SLC35F1: variants seen among roughly 807,000 people sequenced by gnomAD.
SLC35F1 encodes solute carrier family 35 member F1.
SLC35F1 carries 14 observed loss-of-function variants against 48.7 expected under a neutral mutation model. The observed-to-expected ratio is 0.29, with a 90% CI of 0.19 to 0.45. The LOEUF (loss-of-function observed/expected upper bound fraction) is 0.45. Among genes scored for constraint, SLC35F1 ranks in the 20% least tolerant of loss-of-function variants. The pLI, the probability that SLC35F1 is intolerant of heterozygous loss-of-function variation, is 1.00. For missense variants in SLC35F1, 404 were observed against 500.0 expected (o/e 0.81, Z 1.83); for synonymous variants, 190 against 202.2 (o/e 0.94, Z 0.51).
At chr6:117,940,629 C>CT (rs1269509535) in intron 1 of SLC35F1, among the ~76,000 whole-genome samples, 1 of 151,648 alleles carries the variant, frequency 6.6e-6, no homozygotes, top group Non-Finnish European at 1.5e-5. Flanking sequence ...AGAAGATGTG[C>CT]TTTTTTTTCT....
chr6:118,090,017 A>G (rs1773050105), intron 1 of SLC35F1, among the ~76,000 whole-genome samples: 1 of 152,262 alleles, frequency 6.6e-6, no homozygotes, highest in Non-Finnish European at 1.5e-5. Context: ...TAGATTCTGC[A>G]TGCCTTTGAG....
intron 7 of SLC35F1, among the ~76,000 whole-genome samples, chr6:118,305,258 T>A (rs1304859388): frequency 6.6e-6 from 1 of 151,394 alleles, no homozygotes; most frequent in East Asian, 1.9e-4. Flanking sequence ...GGGCCCTCAG[T>A]CTTTTTTTTC....
At chr6:117,960,772 G>A (rs1219037254) in intron 1 of SLC35F1, among the ~76,000 whole-genome samples, 1 of 152,164 alleles carries the variant, frequency 6.6e-6, no homozygotes. Flanking sequence ...AAAGTCAGGT[G>A]ACCAGAGAAA....
intron 1 of SLC35F1, among the ~76,000 whole-genome samples, chr6:117,984,151 T>C (rs967180469): frequency 6.6e-6 from 1 of 152,206 alleles, no homozygotes; most frequent in Non-Finnish European, 1.5e-5. Flanking sequence ...CTATTATTAA[T>C]GGCAATGCTA....
chr6:118,151,155 T>TAAGAGG (rs1472607961), intron 1 of SLC35F1, among the ~76,000 whole-genome samples: 1 of 152,208 alleles, frequency 6.6e-6, no homozygotes, highest in African/African-American at 2.4e-5. Flanking sequence ...CTTAGCCTTC[T>TAAGAGG]AACCACTTCC....
chr6:118,076,725 T>A lies in SLC35F1; in HGVS notation c.174-77720T>A, dbSNP rs57196327. On this transcript the variant is annotated intron_variant, in intron 1 of 7. Transcript: ENST00000360388. The stretch of plus-strand genomic sequence containing the variant: ...CAGAGCCAAACCGTTATCAGTTGGT[T>A]AAATAATTCATATTCTCACCATGAA... 3.7e-3 allele frequency among the ~76,000 whole-genome samples: 564 copies of A among 152,328 alleles called. 7 individuals are homozygous for A. The highest frequency in any genetic ancestry group is 0.013 in the African/African-American group (526 of 41,562).
At chr6:118,052,811 A>G in intron 1 of SLC35F1, among the ~76,000 whole-genome samples, 1 of 152,224 alleles carries the variant, frequency 6.6e-6, no homozygotes, top group East Asian at 1.9e-4. Flanking sequence ...ATTCTGGGTT[A>G]ACACAAAATA....
At chr6:117,963,297 CGTAAA>C (rs1038328435) in intron 1 of SLC35F1, among the ~76,000 whole-genome samples, 1 of 151,082 alleles carries the variant, frequency 6.6e-6, no homozygotes, top group Non-Finnish European at 1.5e-5. Flanking sequence ...TAAGTTTTGG[CGTAAA>C]GTAAATAGTA....
chr6:118,023,428 A>T (rs1216744795), intron 1 of SLC35F1, among the ~76,000 whole-genome samples: 1 of 152,162 alleles, frequency 6.6e-6, no homozygotes, highest in East Asian at 1.9e-4. Flanking sequence ...CCTTATGGGG[A>T]TTGGCAGAAT....
Position 117,923,965 on chromosome 6 carries a change from AG to A in SLC35F1, c.173+16069del, listed in dbSNP as rs1442523413. On this transcript the variant is annotated intron_variant, in intron 1 of 7. Coordinates refer to ENST00000360388, the MANE Select transcript of SLC35F1 (RefSeq NM_001029858.4). ...ATTGACACTTTATATATACATATATAGGGAATAGAATGGAAATTGACATACA... is the reference window on the plus strand; with the variant it reads ...ATTGACACTTTATATATACATATATAGGAATAGAATGGAAATTGACATACA... 2.7e-5 allele frequency among the ~76,000 whole-genome samples: 4 copies of A among 150,942 alleles called. No homozygotes were observed. In the East Asian group the frequency reaches 5.8e-4, roughly 22 times the overall value.
At chr6:118,220,079 A>G (rs759481817) in intron 2 of SLC35F1, among the ~76,000 whole-genome samples, 7 of 152,166 alleles carry the variant, frequency 4.6e-5, no homozygotes, top group Non-Finnish European at 8.8e-5. Flanking sequence ...ATGACGAGTA[A>G]TGGGTGCAGC....
intron 7 of SLC35F1, among the ~76,000 whole-genome samples, chr6:118,291,742 C>T (rs906894280): frequency 6.6e-6 from 1 of 152,168 alleles, no homozygotes; most frequent in African/African-American, 2.4e-5. Flanking sequence ...AAATCACAGC[C>T]TTCAGGAGAG....
In SLC35F1 at chr6:118,103,832, A is replaced by G. The variant is rs141476622; in HGVS notation, c.174-50613A>G. 1.6e-3 allele frequency among the ~76,000 whole-genome samples: 242 copies of G among 151,630 alleles called. 1 individual carries two copies. The highest frequency in any genetic ancestry group is 5.5e-3 in the African/African-American group (228 of 41,364). ...CAACCTTGAAATGTTTTTTTTTCTG[A>G]TCTCACATTTTAGTTTTCTGTCATT... On this transcript the variant is annotated intron_variant, in intron 1 of 7. Transcript: ENST00000360388.
At chr6:118,280,892 T>C (rs184770298) in intron 6 of SLC35F1, among the ~76,000 whole-genome samples, 61 of 151,272 alleles carry the variant, frequency 4.0e-4, no homozygotes, top group Non-Finnish European at 8.1e-4. Context: ...ACAATACACC[T>C]TTCTTTTTAC....
chr6:117,976,846 A>C (rs1252771111), intron 1 of SLC35F1, among the ~76,000 whole-genome samples: 1 of 152,188 alleles, frequency 6.6e-6, no homozygotes, highest in East Asian at 1.9e-4. Flanking sequence ...ACGTTGGGGC[A>C]TATTTTCTTC....
intron 1 of SLC35F1, among the ~76,000 whole-genome samples, chr6:118,022,176 G>A (rs371153722): frequency 2.0e-5 from 3 of 152,182 alleles, no homozygotes; most frequent in East Asian, 3.8e-4. Context: ...AACATGATCA[G>A]AGTTTTGTTA....
chr6:118,203,248 G>A (rs1219304639), intron 2 of SLC35F1, among the ~76,000 whole-genome samples: 1 of 152,202 alleles, frequency 6.6e-6, no homozygotes, highest in Non-Finnish European at 1.5e-5. Flanking sequence ...GGTTCATAGG[G>A]CTCTGAGGAC....
intron 1 of SLC35F1, among the ~76,000 whole-genome samples, chr6:118,053,519 G>A (rs1405991138): frequency 6.6e-6 from 1 of 152,082 alleles, no homozygotes; most frequent in African/African-American, 2.4e-5. Context: ...CTATTATCCT[G>A]ATACATGTGA....
chr6:118,016,560 A>G (rs1183557953), intron 1 of SLC35F1, among the ~76,000 whole-genome samples: 1 of 150,674 alleles, frequency 6.6e-6, no homozygotes, highest in African/African-American at 2.5e-5. Context: ...CATAGAATTC[A>G]TTTCTGAAAT....
Sources: gnomAD v4.1 joint callset for allele counts (sites outside exome capture counted in the v4.1 genomes callset) on GRCh38, gnomAD v4.1.1 for gene constraint, MANE v1.5 for transcripts, NCBI Gene and HGNC (gene_info 2026-07-23, HGNC 2026-07-21) for gene names.